GANC: variants seen among roughly 807,000 people sequenced by gnomAD.
GANC encodes neutral alpha-glucosidase C.
Under a neutral mutation model 124.2 loss-of-function variants are expected in GANC, and 117 were observed. The observed-to-expected ratio is 0.94, with a 90% CI of 0.81 to 1.10. GANC has a LOEUF of 1.10. Ranked by LOEUF, GANC falls within the 50% of genes least tolerant of loss-of-function variation. GANC has a pLI of 0.00. For missense variants in GANC, 1,140 were observed against 1,095.0 expected, an observed-to-expected ratio of 1.04 and a Z score of -0.58; for synonymous variants, 377 against 376.8, an observed-to-expected ratio of 1.00 and a Z score of -0.01.
chr15:42,287,465 T>C (rs991091852), intron 3 of GANC, among the ~76,000 whole-genome samples: 2 of 152,210 alleles, frequency 1.3e-5, no homozygotes, highest in Non-Finnish European at 2.9e-5. Context: ...AATTTTATGT[T>C]CACCTAGCCA....
At chr15:42,294,081 C>T (rs1289012891) in intron 5 of GANC, among the ~76,000 whole-genome samples, 1 of 150,962 alleles carries the variant, frequency 6.6e-6, no homozygotes, top group African/African-American at 2.5e-5. Flanking sequence ...GCTTTTTTTT[C>T]TTTTGTAAAC....
intron 14 of GANC, 51 bp downstream of exon 14, chr15:42,329,500 C>A: frequency 6.4e-7 from 1 of 1,553,754 alleles, no homozygotes; most frequent in South Asian, 1.2e-5. Context: ...CACCTTTTGG[C>A]TGAAGGTCAT....
chr15:42,274,219 A>G lies in GANC; in HGVS notation c.-263A>G. ...CCGCCCAGTTTCGGTTCCTAACAAA[A>G]GCACGTTCCTCATCAGCCACCCATA... On this transcript the variant is annotated 5_prime_UTR_variant, in exon 1 of 24. Coordinates refer to ENST00000318010, the MANE Select transcript of GANC (RefSeq NM_198141.3). The G allele has an allele frequency of 2.2e-6, 1 of 458,548 alleles. No individual in the cohort carries two copies. Among genetic ancestry groups the G allele is most frequent in the South Asian group, 2.3e-5 (1 of 44,056 alleles). The allele number at this position is 458,548 out of a possible 1,614,324, so 28.4% of individuals were successfully genotyped here. A position where few individuals can be genotyped will look rare whatever the true frequency, so the allele number is the denominator to read the frequency against.
At chr15:42,284,148 A>G (rs1018403362) in intron 3 of GANC, 2 of 608,968 alleles carry the variant, frequency 3.3e-6, no homozygotes, top group East Asian at 5.5e-5. Context: ...AGATCAACCT[A>G]CCAAGGAAGA....
chr15:42,294,555 G>A (rs979936686), intron 5 of GANC, among the ~76,000 whole-genome samples: 6 of 132,988 alleles, frequency 4.5e-5, no homozygotes, highest in African/African-American at 1.2e-4. Flanking sequence ...AGCCTGGGCA[G>A]CAGAGCAAGA....
At chr15:42,326,448 A>T in intron 12 of GANC, 24 bp downstream of exon 12, 1 of 1,613,416 alleles carries the variant, frequency 6.2e-7, no homozygotes, top group Non-Finnish European at 8.5e-7. Context: ...TTATACACTT[A>T]TTATTTCCAC....
chr15:42,332,446 A>G (rs1202449870), intron 15 of GANC, among the ~76,000 whole-genome samples: 1 of 152,120 alleles, frequency 6.6e-6, no homozygotes, highest in African/African-American at 2.4e-5. Context: ...AGCCTGCAGT[A>G]CTCTGTGTGA....
intron 4 of GANC, 105 bp from the exon 5 acceptor site, chr15:42,292,630 G>C: frequency 8.8e-7 from 1 of 1,134,398 alleles, no homozygotes; most frequent in Non-Finnish European, 1.3e-6. Context: ...CTATGGCTAT[G>C]TCACATGAAT....
At chr15:42,285,750 G>A (rs1213424598) in intron 3 of GANC, among the ~76,000 whole-genome samples, 1 of 152,120 alleles carries the variant, frequency 6.6e-6, no homozygotes, top group African/African-American at 2.4e-5. Flanking sequence ...AGCCAAGATT[G>A]CGCCACTGCA....
chr15:42,318,694 A>G (rs1364248070), intron 10 of GANC, among the ~76,000 whole-genome samples: 2 of 152,054 alleles, frequency 1.3e-5, no homozygotes, highest in Non-Finnish European at 2.9e-5. Flanking sequence ...TCAAGCGATC[A>G]TCACACCTCA....
chr15:42,310,972 A>C (rs1473763274), intron 10 of GANC, 126 bp downstream of exon 10: 1 of 1,046,128 alleles, frequency 9.6e-7, no homozygotes, highest in African/African-American at 1.6e-5. Context: ...CATTTTAATT[A>C]GCAAGCATTT....
intron 10 of GANC, 101 bp downstream of exon 10, chr15:42,310,947 T>C (rs912668857): frequency 1.5e-6 from 2 of 1,293,488 alleles, no homozygotes; most frequent in African/African-American, 2.9e-5. Context: ...ATGTAGAGTT[T>C]ATAACTTACC....
intron 6 of GANC, among the ~76,000 whole-genome samples, chr15:42,300,759 C>T (rs915053532): frequency 4.6e-5 from 7 of 152,168 alleles, no homozygotes; most frequent in African/African-American, 1.7e-4. Context: ...TGGCTCATGC[C>T]TGTAATCCCA....
chr15:42,294,988 T>TTTTTTTTG, intron 5 of GANC, among the ~76,000 whole-genome samples: 1 of 146,418 alleles, frequency 6.8e-6, no homozygotes, highest in African/African-American at 2.7e-5. Context: ...TTTTTTTTTT[T>TTTTTTTTG]TGAGATGGAG....
chr15:42,334,685 C>T (rs1479155017), intron 15 of GANC, among the ~76,000 whole-genome samples: 1 of 150,928 alleles, frequency 6.6e-6, no homozygotes, highest in Non-Finnish European at 1.5e-5. Context: ...TACTTGTATC[C>T]AGAATATATA....
At chr15:42,340,143 A>G (rs551270652) in intron 17 of GANC, among the ~76,000 whole-genome samples, 66 of 152,342 alleles carry the variant, frequency 4.3e-4, no homozygotes, top group African/African-American at 1.6e-3. Flanking sequence ...TGAATATTTG[A>G]TAGGAGACAG....
At chr15:42,335,679 A>G (rs1235482120) in intron 15 of GANC, among the ~76,000 whole-genome samples, 1 of 152,184 alleles carries the variant, frequency 6.6e-6, no homozygotes, top group Non-Finnish European at 1.5e-5. Context: ...AAGTCAAACT[A>G]TTCCTATTTG....
At chr15:42,322,585 A>G (rs899983390) in intron 11 of GANC, among the ~76,000 whole-genome samples, 5 of 152,160 alleles carry the variant, frequency 3.3e-5, no homozygotes, top group African/African-American at 9.7e-5. Flanking sequence ...TTTCTTTGTC[A>G]GCTTGTCCAG....
chr15:42,273,330 T>A lies in GANC; in HGVS notation c.-1152T>A. On this transcript the variant is annotated 5_prime_UTR_variant, in exon 1 of 24. Coordinates refer to ENST00000318010, the MANE Select transcript of GANC (RefSeq NM_198141.3). Reference sequence around the variant, plus strand: ...CCGGTCCCGCACTGAAAAACGACAGTGGTGACGGGTGAGCTCCCAGAAGCA... The same window carrying A: ...CCGGTCCCGCACTGAAAAACGACAGAGGTGACGGGTGAGCTCCCAGAAGCA... 1 of 1,614,036 alleles carries A rather than the reference T, an allele frequency of 6.2e-7. No individual in the cohort carries two copies. The highest frequency in any genetic ancestry group is 8.5e-7 in the Non-Finnish European group (1 of 1,180,020).
Sources: allele counts gnomAD v4.1 joint callset (sites outside exome capture counted in the v4.1 genomes callset), GRCh38; gene constraint gnomAD v4.1.1; transcripts MANE v1.5; gene names NCBI Gene and HGNC (gene_info 2026-07-23, HGNC 2026-07-21).